Variants in EML6 observed in about 807,000 individuals in gnomAD.
The protein encoded by EML6 is echinoderm microtubule-associated protein-like 6.
A neutral mutation model predicts 240.1 loss-of-function variants in EML6; 154 were observed. That is an observed-to-expected ratio of 0.64 (90% confidence interval 0.56 to 0.73). The LOEUF (loss-of-function observed/expected upper bound fraction) is 0.73. EML6 is among the 30% of genes least tolerant of loss of function. The pLI is 0.00. For synonymous variants in EML6, 1,148 were observed against 899.0 expected (o/e 1.28, Z -4.95); for missense variants, 2,964 against 2,474.6 (o/e 1.20, Z -4.20).
Position 54,969,774 on chromosome 2 carries a change from A to G in EML6, c.5853-297A>G, listed in dbSNP as rs149875206. On this transcript the variant is annotated intron_variant, in intron 41 of 41. Coordinates refer to ENST00000356458, the MANE Select transcript of EML6 (RefSeq NM_001039753.4). Reference sequence around the variant, plus strand: ...CAAGTGGAGGTGATAAACCTTTTCAATAGTAACAGGAGAGAGTGTGATATC... The same window carrying G: ...CAAGTGGAGGTGATAAACCTTTTCAGTAGTAACAGGAGAGAGTGTGATATC... 3.4e-4 allele frequency among the ~76,000 whole-genome samples: 52 copies of G among 152,364 alleles called. 1 individual carries two copies. The East Asian group carries it at 8.9e-3, about 26-fold the overall frequency.
At chr2:54,950,072 A>G (rs1675897322) in intron 29 of EML6, among the ~76,000 whole-genome samples, 1 of 152,270 alleles carries the variant, frequency 6.6e-6, no homozygotes, top group Admixed American at 6.5e-5. Flanking sequence ...GATCTGAATC[A>G]GCCACTGTTC....
intron 37 of EML6, 114 bp downstream of exon 37, chr2:54,964,272 C>A (rs1676653247): frequency 3.9e-6 from 4 of 1,027,466 alleles, no homozygotes; most frequent in Admixed American, 2.8e-5. Context: ...GGGTCACTTT[C>A]AACAAGCCAC....
intron 2 of EML6, among the ~76,000 whole-genome samples, chr2:54,756,740 T>C (rs1406548407): frequency 6.6e-6 from 1 of 152,054 alleles, no homozygotes; most frequent in East Asian, 1.9e-4. Context: ...CTCTGGGTCA[T>C]TATTCCTGGC....
chr2:54,869,333 T>C lies in EML6; in HGVS notation c.2204T>C (p.Ile735Thr), dbSNP rs751831683. The C allele has an allele frequency of 3.2e-5, 49 of 1,551,530 alleles. No individual in the cohort carries two copies. The highest frequency in any genetic ancestry group is 3.8e-5 in the Non-Finnish European group (44 of 1,146,894). ...GATGACGACATTCTCAGCCTGACCATCCATCCAGTGAAGGACTATGTGGCT... is the reference window on the plus strand; with the variant it reads ...GATGACGACATTCTCAGCCTGACCACCCATCCAGTGAAGGACTATGTGGCT... ...GHDDDILSLT[I>T]HPVKDYVATG... Residue 735 changes from isoleucine to threonine, a missense_variant, in exon 15 of 42, where the codon ATC becomes ACC. Coordinates refer to ENST00000356458, the MANE Select transcript of EML6 (RefSeq NM_001039753.4).
chr2:54,835,589 G>T (rs1367200724), intron 7 of EML6, among the ~76,000 whole-genome samples: 1 of 152,140 alleles, frequency 6.6e-6, no homozygotes, highest in African/African-American at 2.4e-5. Flanking sequence ...GAGCAGACTG[G>T]GGTAGGATAG....
At chr2:54,792,626 T>A (rs892697945) in intron 2 of EML6, among the ~76,000 whole-genome samples, 5 of 152,214 alleles carry the variant, frequency 3.3e-5, no homozygotes, top group African/African-American at 1.2e-4. Flanking sequence ...GTTTCAAAAC[T>A]CACAGAACTG....
At chr2:54,805,341 C>T (rs1670412849) in intron 2 of EML6, among the ~76,000 whole-genome samples, 2 of 152,298 alleles carry the variant, frequency 1.3e-5, no homozygotes, top group African/African-American at 4.8e-5. Context: ...ATTGCTAGAT[C>T]ATAATGGTAC....
Position 54,956,094 on chromosome 2 carries a change from G to T in EML6, c.4487-1696G>T, listed in dbSNP as rs748771449. Among the ~76,000 whole-genome samples, 8 of 152,110 alleles carry T rather than the reference G, an allele frequency of 5.3e-5. No homozygotes were observed. The East Asian group carries it at 5.8e-4, about 11-fold the overall frequency. ...TATTACATAAAATCCATGTCGTCAG[G>T]TCCTAGGTATATGTGTAATTTGCTC... On this transcript the variant is annotated intron_variant, in intron 32 of 41. Coordinates refer to ENST00000356458, the MANE Select transcript of EML6 (RefSeq NM_001039753.4).
Position 54,907,930 on chromosome 2 carries a change from AGAT to A in EML6, c.3410-3023_3410-3021del, listed in dbSNP as rs1480960416. Among the ~76,000 whole-genome samples, 555 of 63,190 alleles carry A rather than the reference AGAT, an allele frequency of 8.8e-3. 4 individuals carry two copies. Among genetic ancestry groups the A allele is most frequent in the Non-Finnish European group, 0.013 (352 of 27,012 alleles). The allele number at this position is 63,190 out of a possible 152,430, so 41.5% of individuals were successfully genotyped here. A position where few individuals can be genotyped will look rare whatever the true frequency, so the allele number is the denominator to read the frequency against. Reference sequence around the variant, plus strand: ...TAGATAGATAGATAGATAGATAGATAGATAGATAGATAGATAAGATAGATAGAT... The same window carrying A: ...TAGATAGATAGATAGATAGATAGATAAGATAGATAGATAAGATAGATAGAT... On this transcript the variant is annotated intron_variant, in intron 24 of 41. Transcript: ENST00000356458.
intron 15 of EML6, among the ~76,000 whole-genome samples, chr2:54,870,785 C>A (rs1406432051): frequency 6.6e-6 from 1 of 152,162 alleles, no homozygotes; most frequent in African/African-American, 2.4e-5. Flanking sequence ...CAGCAGCCAC[C>A]TGCAGGAGAC....
intron 7 of EML6, among the ~76,000 whole-genome samples, chr2:54,839,163 G>A (rs921758235): frequency 6.6e-6 from 1 of 152,184 alleles, no homozygotes; most frequent in African/African-American, 2.4e-5. Flanking sequence ...GGGAATTAAT[G>A]TCAGAACTTT....
rs1297954272 is a variant in EML6, at chr2:54,968,839, C to T, written c.5852+71C>T. On this transcript the variant is annotated intron_variant, in intron 41 of 41. Transcript: ENST00000356458. Reference sequence around the variant, plus strand: ...CTCTCCCTCCCCATCTCAGGCATCCCGTGGGTCAGCCTCTCCCAGGGGCAT... The same window carrying T: ...CTCTCCCTCCCCATCTCAGGCATCCTGTGGGTCAGCCTCTCCCAGGGGCAT... 5.7e-5 allele frequency: 47 copies of T among 818,450 alleles called. 1 individual carries two copies. The highest frequency in any genetic ancestry group is 2.4e-4 in the East Asian group (9 of 36,984). 50.7% of individuals were successfully genotyped at this position (818,450 alleles called of 1,614,324 possible). A position where few individuals can be genotyped will look rare whatever the true frequency, so the allele number is the denominator to read the frequency against.
intron 2 of EML6, among the ~76,000 whole-genome samples, chr2:54,795,698 C>G (rs1669728073): frequency 6.6e-6 from 1 of 152,140 alleles, no homozygotes; most frequent in Non-Finnish European, 1.5e-5. Context: ...CGATGGTGCT[C>G]TAAGGAACTG....
At chr2:54,947,627 G>A (rs747499457) in intron 28 of EML6, among the ~76,000 whole-genome samples, 65 of 152,182 alleles carry the variant, frequency 4.3e-4, no homozygotes, top group East Asian at 9.6e-4. Flanking sequence ...AACTCCCCAC[G>A]ACATCCAGGA....
At chr2:54,798,071 A>T (rs1558557926) in intron 2 of EML6, among the ~76,000 whole-genome samples, 1 of 152,204 alleles carries the variant, frequency 6.6e-6, no homozygotes, top group Admixed American at 6.5e-5. Context: ...CAATGAAGCA[A>T]TTTGAGGAGG....
intron 10 of EML6, among the ~76,000 whole-genome samples, chr2:54,852,462 A>G (rs1024835143): frequency 6.6e-6 from 1 of 152,204 alleles, no homozygotes; most frequent in Non-Finnish European, 1.5e-5. Context: ...CAGGGGTGGC[A>G]TCATAATTTA....
rs773498648 is a variant in EML6 at position 54,797,164 on chromosome 2, CAAAAAAAAAAAAAA to C, written c.198-16056_198-16043del. 6.8e-5 allele frequency among the ~76,000 whole-genome samples: 3 copies of C among 43,818 alleles called. 1 individual carries two copies. The highest frequency in any genetic ancestry group is 1.2e-4 in the Non-Finnish European group (3 of 24,898). The allele number at this position is 43,818 out of a possible 152,430, so 28.7% of individuals were successfully genotyped here. The stretch of plus-strand genomic sequence containing the variant: ...TGGGTGACAGAGCAAGACTCCATCT[CAAAAAAAAAAAAAA>C]AAAAAAAAAAACTGTGATCTTGTAG... On this transcript the variant is annotated intron_variant, in intron 2 of 41. Coordinates refer to ENST00000356458, the MANE Select transcript of EML6 (RefSeq NM_001039753.4).
Position 54,774,831 on chromosome 2 carries a change from C to G in EML6, c.198-38401C>G, listed in dbSNP as rs1038896948. ...GATTGGTCTTTAGTCAATGCTTCTC[C>G]TAATGACTTGCATTAGAAAAGATAG... On this transcript the variant is annotated intron_variant, in intron 2 of 41. Coordinates refer to ENST00000356458, the MANE Select transcript of EML6 (RefSeq NM_001039753.4). This position sits in a 1 kb window ranked among gnomAD's most constrained non-coding sequence, Gnocchi z 4.1. 6.6e-6 allele frequency among the ~76,000 whole-genome samples: 1 copy of G among 152,172 alleles called. No homozygotes were observed. The highest frequency in any genetic ancestry group is 1.5e-5 in the Non-Finnish European group (1 of 68,028).
At chr2:54,805,329 G>T (rs1670412391) in intron 2 of EML6, among the ~76,000 whole-genome samples, 3 of 152,158 alleles carry the variant, frequency 2.0e-5, no homozygotes, top group Non-Finnish European at 4.4e-5. Flanking sequence ...CTGAAGAGTG[G>T]AATTGCTAGA....
Sources: allele counts gnomAD v4.1 joint callset (sites outside exome capture counted in the v4.1 genomes callset), GRCh38; gene constraint gnomAD v4.1.1; non-coding constraint Gnocchi (gnomAD v3.1); transcripts MANE v1.5; gene names NCBI Gene and HGNC (gene_info 2026-07-23, HGNC 2026-07-21).